BCL11B: variants seen among roughly 807,000 people sequenced by gnomAD.
BCL11B encodes the protein BCL11 transcription factor B.
A neutral mutation model predicts 49.9 loss-of-function variants in BCL11B; 8 were observed. That is an observed-to-expected ratio of 0.16 (90% CI 0.09 to 0.29). The LOEUF (loss-of-function observed/expected upper bound fraction) is 0.29, where lower values mean the gene tolerates loss of function less well. Among genes scored for constraint, BCL11B ranks in the 10% least tolerant of loss-of-function variants. The pLI is 1.00. For missense variants in BCL11B, 1,006 were observed against 1,351.0 expected (o/e 0.74, Z 4.00); for synonymous variants, 739 against 637.4 (o/e 1.16, Z -2.40).
intron 3 of BCL11B, among the ~76,000 whole-genome samples, chr14:99,224,402 A>G (rs1465693238): frequency 6.6e-6 from 1 of 152,298 alleles, no homozygotes; most frequent in East Asian, 1.9e-4. Flanking sequence ...ATGAGATGTC[A>G]TGCCTAGGAC....
chr14:99,183,356 A>T (rs1430383374), intron 3 of BCL11B, among the ~76,000 whole-genome samples: 2 of 152,160 alleles, frequency 1.3e-5, no homozygotes, highest in Non-Finnish European at 2.9e-5. Flanking sequence ...CCAGACTCCA[A>T]GCTCCTTGAG....
chr14:99,177,002 C>T lies in BCL11B; in HGVS notation c.641-807G>A, dbSNP rs527580003. 5.9e-5 allele frequency among the ~76,000 whole-genome samples: 9 copies of T among 152,160 alleles called. No individual in the cohort carries two copies. In the East Asian group the frequency reaches 1.7e-3, roughly 29 times the overall value. ...CTATAGGAAATTCTCGTGTTTCCTA[C>T]ACCACCGTCTGTGCAGAAAGCACTG... On this transcript the variant is annotated intron_variant, in intron 3 of 3. Coordinates refer to ENST00000357195, the MANE Select transcript of BCL11B (RefSeq NM_138576.4).
intron 2 of BCL11B, among the ~76,000 whole-genome samples, chr14:99,233,004 A>G (rs888407378): frequency 2.0e-5 from 3 of 152,300 alleles, no homozygotes; most frequent in Admixed American, 2.0e-4. Context: ...CCTCGGGCCC[A>G]GGGTATTTCT....
At chr14:99,255,418 A>G in intron 2 of BCL11B, among the ~76,000 whole-genome samples, 1 of 147,018 alleles carries the variant, frequency 6.8e-6, no homozygotes, top group Non-Finnish European at 1.5e-5. Flanking sequence ...AAAAAAAAAA[A>G]AAAAAAAAAA....
At position 99,171,116 on chromosome 14, in the gene BCL11B, A is replaced by T; in HGVS notation, c.*3035T>A. The T allele has an allele frequency of 4.4e-6, 1 of 228,556 alleles. No homozygotes were observed. The highest frequency in any genetic ancestry group is 8.7e-6 in the Non-Finnish European group (1 of 114,896). The allele number at this position is 228,556 out of a possible 1,614,324, so 14.2% of individuals were successfully genotyped here. On this transcript the variant is annotated 3_prime_UTR_variant, in exon 4 of 4. Coordinates refer to ENST00000357195, the MANE Select transcript of BCL11B (RefSeq NM_138576.4). ...ACTGATTTTTTTCCACTCAACACAA[A>T]TAATTTCCCATCTGGTCTGCTGTGG...
In BCL11B at chr14:99,169,758, A is replaced by G. The variant is rs1886227609; in HGVS notation, c.*4393T>C. The G allele has an allele frequency of 8.9e-6, 2 of 225,094 alleles. No individual in the cohort carries two copies. Among genetic ancestry groups the G allele is most frequent in the Non-Finnish European group, 1.8e-5 (2 of 112,670 alleles). 13.9% of individuals were successfully genotyped at this position (225,094 alleles called of 1,614,324 possible). ...ATCACGGGTTTGCCTGTGTTCCACGAGACCTTCGGCTGACGGTTACTTAGG... is the reference window on the plus strand; with the variant it reads ...ATCACGGGTTTGCCTGTGTTCCACGGGACCTTCGGCTGACGGTTACTTAGG... On this transcript the variant is annotated 3_prime_UTR_variant, in exon 4 of 4. Coordinates refer to ENST00000357195, the MANE Select transcript of BCL11B (RefSeq NM_138576.4).
rs1267549537 is a variant in BCL11B at position 99,213,325 on chromosome 14, T to G, written c.640+18020A>C. ...CAAGTGCAGCAGACACAGCCCCGAC[T>G]AATCAGACAGCAGAGGCTGCCACCC... is the stretch of plus-strand genomic sequence containing the variant. On this transcript the variant is annotated intron_variant, in intron 3 of 3. Coordinates refer to ENST00000357195, the MANE Select transcript of BCL11B (RefSeq NM_138576.4). This position sits in a 1 kb window ranked among gnomAD's most constrained non-coding sequence, Gnocchi z 5.1. Among the ~76,000 whole-genome samples the G allele has an allele frequency of 6.6e-6, 1 of 152,172 alleles. No individual in the cohort carries two copies. The highest frequency in any genetic ancestry group is 1.5e-5 in the Non-Finnish European group (1 of 68,032).
chr14:99,179,709 T>C (rs1886645182), intron 3 of BCL11B, among the ~76,000 whole-genome samples: 1 of 152,072 alleles, frequency 6.6e-6, no homozygotes, highest in Non-Finnish European at 1.5e-5. Flanking sequence ...GGCGATGGCC[T>C]CCAGTGCAGG....
chr14:99,240,551 A>C (rs1566825929), intron 2 of BCL11B, among the ~76,000 whole-genome samples: 1 of 152,214 alleles, frequency 6.6e-6, no homozygotes, highest in Non-Finnish European at 1.5e-5. Flanking sequence ...AGTTCCTTTA[A>C]CTGAGTTTTC....
rs1277629226 is a variant in BCL11B, at chr14:99,241,566, G to A, written c.428-10009C>T. On this transcript the variant is annotated intron_variant, in intron 2 of 3. Coordinates refer to ENST00000357195, the MANE Select transcript of BCL11B (RefSeq NM_138576.4). This position sits in a 1 kb window ranked among gnomAD's most constrained non-coding sequence, Gnocchi z 4.4. Reference sequence around the variant, plus strand: ...GAAGGGAACCTGACTCAGCTCCTCCGCCTCTGACAGCTGCCTCCTGCCCTT... The same window carrying A: ...GAAGGGAACCTGACTCAGCTCCTCCACCTCTGACAGCTGCCTCCTGCCCTT... 2.0e-5 allele frequency among the ~76,000 whole-genome samples: 3 copies of A among 152,042 alleles called. No individual in the cohort carries two copies. The highest frequency in any genetic ancestry group is 4.4e-5 in the Non-Finnish European group (3 of 68,000).
At chr14:99,264,199 G>C (rs910585277) in intron 1 of BCL11B, 3 of 152,150 alleles carry the variant, frequency 2.0e-5, no homozygotes, top group African/African-American at 7.2e-5. Context: ...AGCTGGAGGA[G>C]TTTGGATTAT....
chr14:99,200,263 C>T (rs1243031932), intron 3 of BCL11B, among the ~76,000 whole-genome samples: 3 of 152,218 alleles, frequency 2.0e-5, no homozygotes, highest in Non-Finnish European at 4.4e-5. Context: ...AGGCGCTGGT[C>T]AGTCTTGGGG....
At chr14:99,219,045 CTT>C (rs5810929) in intron 3 of BCL11B, among the ~76,000 whole-genome samples, 111 of 145,096 alleles carry the variant, frequency 7.7e-4, no homozygotes, top group Admixed American at 1.1e-3. Flanking sequence ...TTTATTTCTT[CTT>C]TTTTTTTTTT....
At chr14:99,199,683 T>TGTGTGTGTGTGTGTGTGTGC (rs759599743) in intron 3 of BCL11B, among the ~76,000 whole-genome samples, 4 of 73,640 alleles carry the variant, frequency 5.4e-5, no homozygotes, top group African/African-American at 1.4e-4. Context: ...TGTGTGTGTG[T>TGTGTGTGTGTGTGTGTGTGC]GCGCGCGCGC....
chr14:99,242,117 C>T lies in BCL11B; in HGVS notation c.428-10560G>A, dbSNP rs1281462697. On this transcript the variant is annotated intron_variant, in intron 2 of 3. Coordinates refer to ENST00000357195, the MANE Select transcript of BCL11B (RefSeq NM_138576.4). This position sits in a 1 kb window ranked among gnomAD's most constrained non-coding sequence, Gnocchi z 4.4. ...CGGCGCTGAAGGAAGACTTTCTGAG[C>T]GGTTCGGTTCAGAGTTTTAGGAGAA... Among the ~76,000 whole-genome samples the T allele has an allele frequency of 2.0e-5, 3 of 152,112 alleles. No homozygotes were observed. The highest frequency in any genetic ancestry group is 2.9e-5 in the Non-Finnish European group (2 of 68,034).
rs889088694 is a variant in BCL11B, at chr14:99,172,495, A to G, written c.*1656T>C. 2 of 207,554 alleles carry G rather than the reference A, an allele frequency of 9.6e-6. No homozygotes were observed. The highest frequency in any genetic ancestry group is 4.6e-5 in the African/African-American group (2 of 43,838). The allele number at this position is 207,554 out of a possible 1,614,324, so 12.9% of individuals were successfully genotyped here. ...TTTTTTAAAAAGTCTTTTCATTTCA[A>G]AAAAAAAGTTTTGCATTTGTCTCAA... On this transcript the variant is annotated 3_prime_UTR_variant, in exon 4 of 4. Transcript: ENST00000357195.
At chr14:99,250,130 G>T (rs1888964970) in intron 2 of BCL11B, among the ~76,000 whole-genome samples, 1 of 150,886 alleles carries the variant, frequency 6.6e-6, no homozygotes. Flanking sequence ...CCACCTCCTG[G>T]GTTCACACCA....
At chr14:99,186,032 G>T (rs1595226193) in intron 3 of BCL11B, among the ~76,000 whole-genome samples, 1 of 152,250 alleles carries the variant, frequency 6.6e-6, no homozygotes, top group Non-Finnish European at 1.5e-5. Context: ...AGAAATGAAG[G>T]TCTGTCCTCA....
At chr14:99,237,058 T>C (rs1595273333) in intron 2 of BCL11B, among the ~76,000 whole-genome samples, 1 of 133,406 alleles carries the variant, frequency 7.5e-6, no homozygotes, top group South Asian at 2.6e-4. Flanking sequence ...TCCCTTTTTT[T>C]GGGGGGCTGT....
Sources: gnomAD v4.1 joint callset for allele counts (sites outside exome capture counted in the v4.1 genomes callset) on GRCh38, gnomAD v4.1.1 for gene constraint, Gnocchi (gnomAD v3.1) non-coding constraint, MANE v1.5 for transcripts, NCBI Gene and HGNC (gene_info 2026-07-23, HGNC 2026-07-21) for gene names.